The following DCAKD variants were observed in gnomAD, a reference collection of about 807,000 sequenced individuals.
The protein encoded by DCAKD is dephospho-CoA kinase domain-containing protein.
A neutral mutation model predicts 18.7 loss-of-function variants in DCAKD; 15 were observed. The observed-to-expected ratio is 0.80, with a 90% CI of 0.54 to 1.24. The LOEUF is 1.24. DCAKD is among the 50% of genes most tolerant of loss of function. The pLI is 0.00. For synonymous variants in DCAKD, 130 were observed against 133.0 expected, an observed-to-expected ratio of 0.98 and a Z score of 0.16; for missense variants, 301 against 322.0, an observed-to-expected ratio of 0.93 and a Z score of 0.50.
intron 1 of DCAKD, among the ~76,000 whole-genome samples, chr17:45,036,409 G>A (rs1003781237): frequency 5.7e-4 from 87 of 152,240 alleles, no homozygotes; most frequent in South Asian, 1.0e-3. Context: ...CCAGCTACTC[G>A]GGAGGCTGAG....
upstream of DCAKD, chr17:45,054,199 TAC>T (rs2143408396): frequency 2.0e-6 from 1 of 512,326 alleles, no homozygotes; most frequent in East Asian, 5.6e-5. Context: ...CTGCCATGTA[TAC>T]ATGTACATGT....
chr17:45,042,459 G>C (rs1438615942), intron 1 of DCAKD, among the ~76,000 whole-genome samples: 1 of 152,102 alleles, frequency 6.6e-6, no homozygotes, highest in African/African-American at 2.4e-5. Flanking sequence ...TGGCTCCCTC[G>C]GCTTGCAGCC....
At position 45,024,666 on chromosome 17, in the gene DCAKD, C is replaced by T. The variant is rs760941957; in HGVS notation, c.463G>A (p.Ala155Thr). ...AGCTGGGCATTGATGCGGGCCTCTG[C>T]GTCCTTGCGGTTCAGGCTGTTCCGC... ...MRRNSLNRKD[A>T]EARINAQLPL... The change falls in exon 5 of 5, where the codon GCA (alanine) becomes ACA (threonine). Residue 155 changes from alanine to threonine, a missense_variant. Coordinates refer to ENST00000651974, the MANE Select transcript of DCAKD (RefSeq NM_001288655.2). 9 of 1,608,898 alleles carry T rather than the reference C, an allele frequency of 5.6e-6. No homozygotes were observed. The highest frequency in any genetic ancestry group is 2.2e-5 in the East Asian group (1 of 44,728).
chr17:45,041,724 C>T (rs547796393), intron 1 of DCAKD, among the ~76,000 whole-genome samples: 1 of 151,962 alleles, frequency 6.6e-6, no homozygotes, highest in African/African-American at 2.4e-5. Flanking sequence ...ACCAATCAGA[C>T]ACCAGGCACG....
At chr17:45,035,738 G>A (rs957989661) in intron 1 of DCAKD, among the ~76,000 whole-genome samples, 1 of 152,138 alleles carries the variant, frequency 6.6e-6, no homozygotes. Flanking sequence ...GAAATGGCCT[G>A]CCTGCAGCCA....
upstream of DCAKD, among the ~76,000 whole-genome samples, chr17:45,054,447 C>T (rs1772105313): frequency 6.6e-6 from 1 of 152,004 alleles, no homozygotes. Flanking sequence ...GGGGTTTCAC[C>T]ATGCTGGCCA....
chr17:45,046,720 T>G (rs1669996041), intron 1 of DCAKD, among the ~76,000 whole-genome samples: 1 of 151,916 alleles, frequency 6.6e-6, no homozygotes, highest in South Asian at 2.1e-4. Context: ...GTGAAGATTT[T>G]CTGAGAGGCA....
intron 1 of DCAKD, among the ~76,000 whole-genome samples, chr17:45,049,991 G>A (rs772416500): frequency 6.6e-6 from 1 of 150,688 alleles, no homozygotes; most frequent in Non-Finnish European, 1.5e-5. Flanking sequence ...CAAAATACTG[G>A]GATTACCAGG....
intron 4 of DCAKD, among the ~76,000 whole-genome samples, chr17:45,024,936 T>A (rs999033634): frequency 1.3e-5 from 2 of 151,408 alleles, no homozygotes; most frequent in African/African-American, 4.9e-5. Flanking sequence ...CTCCACTCAC[T>A]GTGAGGAACC....
chr17:45,041,987 A>G (rs1027660934), intron 1 of DCAKD, among the ~76,000 whole-genome samples: 1 of 151,884 alleles, frequency 6.6e-6, no homozygotes, highest in African/African-American at 2.4e-5. Context: ...ATGATGGCAT[A>G]TGTCTGTAGT....
intron 4 of DCAKD, chr17:45,026,785 C>T: frequency 2.0e-6 from 2 of 985,414 alleles, no homozygotes; most frequent in Non-Finnish European, 2.4e-6. Context: ...AGAACAAGGA[C>T]TAAATCCAGC....
chr17:45,026,824 G>A, intron 4 of DCAKD: 1 of 985,428 alleles, frequency 1.0e-6, no homozygotes, highest in Non-Finnish European at 1.2e-6. Context: ...ATATCTGTGG[G>A]TGGGAGAATC....
At chr17:45,030,719 G>C (rs966305381) in intron 3 of DCAKD, among the ~76,000 whole-genome samples, 36 of 152,228 alleles carry the variant, frequency 2.4e-4, no homozygotes, top group African/African-American at 8.4e-4. Context: ...AGCCAAGGTG[G>C]GCTGTCTCTA....
intron 4 of DCAKD, among the ~76,000 whole-genome samples, 186 bp downstream of exon 4, chr17:45,029,906 C>A (rs1382468564): frequency 6.6e-6 from 1 of 152,144 alleles, no homozygotes; most frequent in Non-Finnish European, 1.5e-5. Flanking sequence ...TCCCTTCCCA[C>A]ACCTGCCCCC....
chr17:45,044,686 CATCAATAA>C (rs2053523230), intron 1 of DCAKD, among the ~76,000 whole-genome samples: 1 of 96,522 alleles, frequency 1.0e-5, no homozygotes, highest in African/African-American at 5.2e-5. Flanking sequence ...AGAGAGACTC[CATCAATAA>C]ATAAATAAAT....
chr17:45,053,273 G>GTTTT (rs780074003), upstream of DCAKD, among the ~76,000 whole-genome samples: 222 of 133,206 alleles, frequency 1.7e-3, 1 homozygote, highest in African/African-American at 6.0e-3. Flanking sequence ...TTGTTTGTTT[G>GTTTT]TTGAGACAGA....
Position 45,031,975 on chromosome 17 carries a change from C to A in DCAKD, c.317-1796G>T, listed in dbSNP as rs1057257547. ...TATCGAGCTCAAAAGGGCTCTCTGG[C>A]TTTTATTTAAGTGGTGGTGGTTGGG... On this transcript the variant is annotated intron_variant, in intron 3 of 4. Transcript: ENST00000651974. 16 of 985,204 alleles carry A rather than the reference C, an allele frequency of 1.6e-5. 1 individual carries two copies. The highest frequency in any genetic ancestry group is 5.2e-5 in the African/African-American group (3 of 57,186). The allele number at this position is 985,204 out of a possible 1,614,324, so 61.0% of individuals were successfully genotyped here. A position where few individuals can be genotyped will look rare whatever the true frequency, so the allele number is the denominator to read the frequency against.
At chr17:45,047,922 A>T (rs1441007114) in intron 1 of DCAKD, among the ~76,000 whole-genome samples, 4 of 152,156 alleles carry the variant, frequency 2.6e-5, no homozygotes, top group Non-Finnish European at 5.9e-5. Flanking sequence ...AGAAATACTC[A>T]AATAAAACTT....
chr17:45,043,296 C>T (rs1423073963), intron 1 of DCAKD, among the ~76,000 whole-genome samples: 3 of 151,840 alleles, frequency 2.0e-5, no homozygotes, highest in South Asian at 2.1e-4. Flanking sequence ...CTCATGGGGT[C>T]GTGTCAGGAT....
Sources: allele counts gnomAD v4.1 joint callset (sites outside exome capture counted in the v4.1 genomes callset), GRCh38; gene constraint gnomAD v4.1.1; transcripts MANE v1.5; gene names NCBI Gene and HGNC (gene_info 2026-07-23, HGNC 2026-07-21).